Variants in AFG2B observed in about 807,000 individuals in gnomAD.
The protein encoded by AFG2B is AAA ATPase AFG2B, also known as ATPase family gene 2 protein homolog B.
At chr15:45,402,491 C>G in the AFG2B span, 3 of 1,610,062 alleles carry the variant, frequency 1.9e-6, no homozygotes, top group Non-Finnish European at 2.5e-6. Flanking sequence ...CCCTTAGACG[C>G]TAGAGACCGG....
At chr15:45,418,461 T>A in the AFG2B span, 1 of 1,257,520 alleles carries the variant, frequency 8.0e-7, no homozygotes. Context: ...TTCTCGGTAA[T>A]GTGAAAGGAA....
At chr15:45,403,660 C>A in the AFG2B span, 1 of 999,756 alleles carries the variant, frequency 1.0e-6, no homozygotes, top group Non-Finnish European at 1.4e-6. Context: ...GCAGAGAACA[C>A]GTTCTCTGCC....
the AFG2B span, chr15:45,402,342 C>G: frequency 6.7e-4 from 1,024 of 1,530,156 alleles, 15 homozygotes; most frequent in East Asian, 0.023. Flanking sequence ...GCGCAATCTG[C>G]TTCCGGCCTG....
chr15:45,403,353 G>T, the AFG2B span: 1 of 1,609,282 alleles, frequency 6.2e-7, no homozygotes, highest in Non-Finnish European at 8.5e-7. Context: ...TGGACGCCTT[G>T]TGTCCCCAGC....
At chr15:45,415,910 T>A in the AFG2B span, 1 of 876,084 alleles carries the variant, frequency 1.1e-6, no homozygotes, top group Non-Finnish European at 1.6e-6. Context: ...ATAGAAGGAT[T>A]TATATAATTT....
At chr15:45,418,542 T>C in the AFG2B span, 1 of 1,574,898 alleles carries the variant, frequency 6.3e-7, no homozygotes, top group Non-Finnish European at 8.6e-7. Context: ...AATACTGTTT[T>C]TTATTTTGTT....
the AFG2B span, among the ~76,000 whole-genome samples, chr15:45,420,791 A>G: frequency 1.3e-5 from 2 of 152,146 alleles, no homozygotes; most frequent in African/African-American, 4.8e-5. Context: ...CAGGAGTTCA[A>G]GATGAGCCCG....
chr15:45,402,549 C>T, the AFG2B span: 229 of 1,590,550 alleles, frequency 1.4e-4, 1 homozygote, highest in Middle Eastern at 1.5e-3. Context: ...ACGCCCTGGG[C>T]GCGCGCTTGG....
At chr15:45,408,421 T>C in the AFG2B span, among the ~76,000 whole-genome samples, 1 of 152,224 alleles carries the variant, frequency 6.6e-6, no homozygotes, top group Admixed American at 6.5e-5. Context: ...TAGTATTTAT[T>C]TATTTTGGAC....
At chr15:45,409,358 CAGAG>C in the AFG2B span, among the ~76,000 whole-genome samples, 1 of 140,784 alleles carries the variant, frequency 7.1e-6, no homozygotes, top group Non-Finnish European at 1.5e-5. Context: ...ACCTGGGTGA[CAGAG>C]TGAGACCCCG....
chr15:45,403,433 A>G, the AFG2B span: 57 of 1,608,768 alleles, frequency 3.5e-5, no homozygotes, highest in Non-Finnish European at 4.8e-5. Context: ...GCCAGTGGGG[A>G]CCGCGAGGTC....
the AFG2B span, among the ~76,000 whole-genome samples, chr15:45,406,220 G>A: frequency 0.12 from 18,140 of 152,160 alleles, 3,619 homozygotes; most frequent in African/African-American, 0.41. Context: ...GTTTGGGTTT[G>A]ACTAATGTTT....
the AFG2B span, among the ~76,000 whole-genome samples, chr15:45,409,447 C>T: frequency 6.6e-6 from 1 of 151,024 alleles, no homozygotes; most frequent in Non-Finnish European, 1.5e-5. Flanking sequence ...TTCATATTAT[C>T]GGAGAAGAAT....
At chr15:45,405,207 T>C in the AFG2B span, 7 of 1,032,958 alleles carry the variant, frequency 6.8e-6, no homozygotes, top group African/African-American at 1.1e-4. Flanking sequence ...CCCTTCCCAG[T>C]GTCTGGTTGC....
the AFG2B span, chr15:45,421,405 T>TA: frequency 1.4e-5 from 5 of 358,618 alleles, no homozygotes; most frequent in African/African-American, 2.1e-5. Context: ...TAAAATACTG[T>TA]AATTTAGGAA....
At chr15:45,415,900 A>T in the AFG2B span, 3 of 921,194 alleles carry the variant, frequency 3.3e-6, no homozygotes, top group African/African-American at 1.7e-5. Flanking sequence ...AATTCATCTC[A>T]TAGAAGGATT....
chr15:45,402,338 T>C, the AFG2B span: 7 of 1,524,128 alleles, frequency 4.6e-6, no homozygotes, highest in Middle Eastern at 1.9e-4. Context: ...ATGCGCGCAA[T>C]CTGCTTCCGG....
the AFG2B span, chr15:45,417,172 T>C: frequency 2.1e-6 from 3 of 1,422,250 alleles, no homozygotes; most frequent in East Asian, 6.9e-5. Context: ...GAAAAGGATA[T>C]CCCTATTTGA....
chr15:45,419,224 G>T, the AFG2B span, among the ~76,000 whole-genome samples: 1 of 152,144 alleles, frequency 6.6e-6, no homozygotes, highest in African/African-American at 2.4e-5. Context: ...AAGGCGAGAG[G>T]ATTGCTTTAG....
Sources: allele counts gnomAD v4.1 joint callset (sites outside exome capture counted in the v4.1 genomes callset), GRCh38; gene constraint gnomAD v4.1.1; transcripts MANE v1.5; gene names NCBI Gene and HGNC (gene_info 2026-07-23, HGNC 2026-07-21).